CAMTA1: variants seen among roughly 807,000 people sequenced by gnomAD.
CAMTA1 encodes the protein calmodulin-binding transcription activator 1.
Under a neutral mutation model 170.9 loss-of-function variants are expected in CAMTA1, and 27 were observed. That is an observed-to-expected ratio of 0.16 (90% CI 0.12 to 0.22). The LOEUF is 0.22. Ranked by LOEUF, CAMTA1 falls within the 10% of genes least tolerant of loss-of-function variation. The probability of loss-of-function intolerance (pLI) is 1.00; values close to 1 mark genes in which losing one functional copy is unlikely to be tolerated. For synonymous variants in CAMTA1, 833 were observed against 891.5 expected (o/e 0.93, Z 1.17); for missense variants, 1,619 against 2,217.2 (o/e 0.73, Z 5.42).
chr1:6,786,368 G>A (rs1639361360), intron 1 of CAMTA1, among the ~76,000 whole-genome samples: 1 of 151,888 alleles, frequency 6.6e-6, no homozygotes, highest in African/African-American at 2.4e-5. Context: ...CCGTTTCTAT[G>A]GCAAGTGAGG....
At chr1:7,535,910 C>T (rs775586355) in intron 6 of CAMTA1, among the ~76,000 whole-genome samples, 2 of 152,196 alleles carry the variant, frequency 1.3e-5, no homozygotes, top group Admixed American at 6.5e-5. Flanking sequence ...GGGTGAGCTC[C>T]GGTCTTTTTG....
At chr1:7,703,892 TC>T (rs1339150251) in intron 11 of CAMTA1, among the ~76,000 whole-genome samples, 2 of 151,770 alleles carry the variant, frequency 1.3e-5, no homozygotes, top group African/African-American at 4.8e-5. Flanking sequence ...CACGCAGAAG[TC>T]CCCAAGTGCG....
At chr1:7,109,862 G>A (rs1480822089) in intron 4 of CAMTA1, among the ~76,000 whole-genome samples, 2 of 152,128 alleles carry the variant, frequency 1.3e-5, no homozygotes, top group Non-Finnish European at 2.9e-5. Context: ...CAGAGGGGAC[G>A]CTGCTGAGGA....
rs34490247 is a variant in CAMTA1 at position 7,758,934 on chromosome 1, CAAA to C, written c.4989+3285_4989+3287del. Among the ~76,000 whole-genome samples, 384 of 78,998 alleles carry C rather than the reference CAAA, an allele frequency of 4.9e-3. 2 individuals are homozygous for C. The highest frequency in any genetic ancestry group is 0.018 in the African/African-American group (357 of 19,614). The allele number at this position is 78,998 out of a possible 152,430, so 51.8% of individuals were successfully genotyped here. A position where few individuals can be genotyped will look rare whatever the true frequency, so the allele number is the denominator to read the frequency against. On this transcript the variant is annotated intron_variant, in intron 22 of 22. Transcript: ENST00000303635. ...TGGGCAAAAGAGCGAGACTCTGTCT[CAAA>C]AAAAAAAAAAAAAAAAAAGATAATA...
intron 5 of CAMTA1, among the ~76,000 whole-genome samples, chr1:7,295,018 C>T (rs527591123): frequency 7.9e-5 from 12 of 152,350 alleles, no homozygotes; most frequent in South Asian, 6.2e-4. Context: ...CCACCACCTC[C>T]GCTTTGCTGC....
intron 3 of CAMTA1, among the ~76,000 whole-genome samples, chr1:6,872,843 A>G (rs989153666): frequency 6.6e-5 from 10 of 152,162 alleles, no homozygotes; most frequent in Admixed American, 1.3e-4. Flanking sequence ...GTGTCTCATT[A>G]TTTTATTCTC....
rs377465976 is a variant in CAMTA1, at chr1:7,254,238, A to G, written c.438+4612A>G. Among the ~76,000 whole-genome samples the G allele has an allele frequency of 7.9e-5, 12 of 152,344 alleles. No homozygotes were observed. In the East Asian group the frequency reaches 2.1e-3, roughly 27 times the overall value. ...TATTTCCCCCAGGCCTATCCAGACC[A>G]GGTCTTATCCTCCTAGCAACGCGGC... On this transcript the variant is annotated intron_variant, in intron 5 of 22. Coordinates refer to ENST00000303635, the MANE Select transcript of CAMTA1 (RefSeq NM_015215.4).
chr1:6,938,586 T>G (rs1475497631), intron 3 of CAMTA1, among the ~76,000 whole-genome samples: 1 of 152,208 alleles, frequency 6.6e-6, no homozygotes, highest in African/African-American at 2.4e-5. Context: ...AGCAGCAGCA[T>G]GGCCTGTTCT....
At chr1:7,368,558 C>T (rs2086195539) in intron 5 of CAMTA1, among the ~76,000 whole-genome samples, 1 of 152,182 alleles carries the variant, frequency 6.6e-6, no homozygotes, top group African/African-American at 2.4e-5. Flanking sequence ...GTGACCCCTT[C>T]CCAGGCCCCA....
chr1:7,548,925 G>A (rs1253251114), intron 6 of CAMTA1, among the ~76,000 whole-genome samples: 5 of 137,946 alleles, frequency 3.6e-5, no homozygotes, highest in Non-Finnish European at 6.5e-5. Context: ...CCCCTTAGGA[G>A]TGGAAGTGCT....
At chr1:7,069,471 A>G (rs985287201) in intron 3 of CAMTA1, among the ~76,000 whole-genome samples, 6 of 152,316 alleles carry the variant, frequency 3.9e-5, no homozygotes, top group Middle Eastern at 3.4e-3. Context: ...GCACGGGGCA[A>G]CGGGGCAATC....
At chr1:7,222,694 T>C (rs1347710061) in intron 4 of CAMTA1, among the ~76,000 whole-genome samples, 4 of 152,160 alleles carry the variant, frequency 2.6e-5, no homozygotes, top group African/African-American at 9.7e-5. Flanking sequence ...TGGAGCACGC[T>C]CTCTTCTTTC....
chr1:6,921,005 G>A (rs1405989568), intron 3 of CAMTA1, among the ~76,000 whole-genome samples: 2 of 152,206 alleles, frequency 1.3e-5, no homozygotes, highest in Non-Finnish European at 2.9e-5. Flanking sequence ...TCGGCTCCTC[G>A]TTATTTATGC....
Position 7,298,203 on chromosome 1 carries a change from C to T in CAMTA1, c.438+48577C>T, listed in dbSNP as rs180740002. 9.2e-5 allele frequency among the ~76,000 whole-genome samples: 14 copies of T among 152,218 alleles called. No individual in the cohort carries two copies. The East Asian group carries it at 1.9e-3, about 21-fold the overall frequency. On this transcript the variant is annotated intron_variant, in intron 5 of 22. Coordinates refer to ENST00000303635, the MANE Select transcript of CAMTA1 (RefSeq NM_015215.4). ...GGATGGCAAGCTACAGGGCTGAGTACGAGGGTGGCCTTCCTGTGCGGGGTG... is the reference window on the plus strand; with the variant it reads ...GGATGGCAAGCTACAGGGCTGAGTATGAGGGTGGCCTTCCTGTGCGGGGTG...
intron 5 of CAMTA1, among the ~76,000 whole-genome samples, chr1:7,421,142 TTTTTCTTTC>T (rs1465591792): frequency 1.1e-4 from 17 of 152,130 alleles, no homozygotes; most frequent in African/African-American, 3.6e-4. Flanking sequence ...TTGAATTTCT[TTTTTCTTTC>T]TTTCTTTTTT....
rs1400936912 is a variant in CAMTA1 at position 7,010,297 on chromosome 1, C to T, written c.235-81007C>T. Among the ~76,000 whole-genome samples the T allele has an allele frequency of 3.3e-5, 5 of 152,184 alleles. No individual in the cohort carries two copies. On this transcript the variant is annotated intron_variant, in intron 3 of 22. Transcript: ENST00000303635. This position sits in a 1 kb window ranked among gnomAD's most constrained non-coding sequence, Gnocchi z 4.4. ...AGGGCCGGCTCCTGGGCCGCCCCCT[C>T]ACTCGGCGTCCAGTGCTCAGGCCTC... is the stretch of plus-strand genomic sequence containing the variant.
At chr1:7,048,678 C>T (rs1310674929) in intron 3 of CAMTA1, among the ~76,000 whole-genome samples, 1 of 152,204 alleles carries the variant, frequency 6.6e-6, no homozygotes. Flanking sequence ...ACAGTCTTGC[C>T]TTCCTTTCAT....
chr1:6,863,111 A>G (rs139971129), intron 3 of CAMTA1, among the ~76,000 whole-genome samples: 35 of 152,298 alleles, frequency 2.3e-4, no homozygotes, highest in Non-Finnish European at 4.3e-4. Context: ...AGCACAATCA[A>G]CCAGCACGTC....
intron 1 of CAMTA1, among the ~76,000 whole-genome samples, chr1:6,807,945 T>G (rs190661660): frequency 6.6e-6 from 1 of 151,998 alleles, no homozygotes; most frequent in East Asian, 2.0e-4. Flanking sequence ...CAAGTCATAA[T>G]GCTTTAATAA....
Sources: gnomAD v4.1 joint callset for allele counts (sites outside exome capture counted in the v4.1 genomes callset) on GRCh38, gnomAD v4.1.1 for gene constraint, Gnocchi (gnomAD v3.1) non-coding constraint, MANE v1.5 for transcripts, NCBI Gene and HGNC (gene_info 2026-07-23, HGNC 2026-07-21) for gene names.